SGCD: variants seen among roughly 807,000 people sequenced by gnomAD.
The protein encoded by SGCD is delta-sarcoglycan.
Under a neutral mutation model 36.6 loss-of-function variants are expected in SGCD, and 18 were observed. That is an observed-to-expected ratio of 0.49 (90% CI 0.34 to 0.73). The LOEUF is 0.73. SGCD is among the 30% of genes least tolerant of loss of function. The probability of loss-of-function intolerance (pLI) is 0.01; values close to 1 mark genes in which losing one functional copy is unlikely to be tolerated. For missense variants in SGCD, 387 were observed against 346.7 expected (o/e 1.12, Z -0.92); for synonymous variants, 133 against 130.6 (o/e 1.02, Z -0.12).
chr5:156,479,579 G>T (rs1755337311), intron 3 of SGCD, among the ~76,000 whole-genome samples: 1 of 152,160 alleles, frequency 6.6e-6, no homozygotes, highest in Non-Finnish European at 1.5e-5. Flanking sequence ...GACCTAGGGA[G>T]TATTCACCCA....
chr5:156,130,732 T>C (rs535079101), intron 3 of SGCD, among the ~76,000 whole-genome samples: 52 of 152,252 alleles, frequency 3.4e-4, no homozygotes, highest in Non-Finnish European at 5.7e-4. Context: ...TTCTTTCTTT[T>C]TTTTTTCTTT....
chr5:156,346,871 C>A (rs1768978890), intron 3 of SGCD, among the ~76,000 whole-genome samples: 1 of 151,894 alleles, frequency 6.6e-6, no homozygotes, highest in Non-Finnish European at 1.5e-5. Context: ...AATCTCGGCT[C>A]ACTGCCAGCT....
chr5:155,759,042 A>T, the SGCD span, among the ~76,000 whole-genome samples: 1 of 151,434 alleles, frequency 6.6e-6, no homozygotes, highest in Non-Finnish European at 1.5e-5. Context: ...AGATTGTGCT[A>T]TATTGCCCAG....
intron 3 of SGCD, among the ~76,000 whole-genome samples, chr5:156,320,757 A>G (rs1259043884): frequency 6.6e-6 from 1 of 152,240 alleles, no homozygotes; most frequent in Non-Finnish European, 1.5e-5. Flanking sequence ...TCTGGCCAAT[A>G]GAGATATTCT....
chr5:155,970,667 T>G (rs1236367232), intron 1 of SGCD, among the ~76,000 whole-genome samples: 1 of 152,148 alleles, frequency 6.6e-6, no homozygotes, highest in Non-Finnish European at 1.5e-5. Context: ...ATTTGAGTAG[T>G]GATATTAGGA....
intron 1 of SGCD, among the ~76,000 whole-genome samples, chr5:156,086,580 A>G (rs1056005739): frequency 6.6e-6 from 1 of 152,214 alleles, no homozygotes; most frequent in East Asian, 1.9e-4. Context: ...ATGGGCTGGC[A>G]TCATACCAGG....
chr5:156,452,939 A>T (rs367615979), intron 3 of SGCD, among the ~76,000 whole-genome samples: 23 of 152,304 alleles, frequency 1.5e-4, no homozygotes, highest in African/African-American at 5.5e-4. Context: ...ACTTGAGCAT[A>T]AATTTACTAT....
intron 3 of SGCD, among the ~76,000 whole-genome samples, chr5:156,265,980 T>C (rs1014267371): frequency 1.3e-5 from 2 of 152,144 alleles, no homozygotes; most frequent in African/African-American, 4.8e-5. Context: ...ATGTTGACCA[T>C]GAGTACATGG....
chr5:156,058,869 G>A (rs10476264), intron 1 of SGCD, among the ~76,000 whole-genome samples: 2,965 of 145,586 alleles, frequency 0.02, 268 homozygotes, highest in African/African-American at 0.068. Flanking sequence ...AAGATTGGCC[G>A]TGAGTTATTA....
At chr5:156,134,802 A>G (rs1035451128) in intron 3 of SGCD, among the ~76,000 whole-genome samples, 12 of 152,134 alleles carry the variant, frequency 7.9e-5, no homozygotes, top group Non-Finnish European at 1.5e-4. Flanking sequence ...TATGTAGCAA[A>G]CCTGCACATT....
intron 2 of SGCD, 22 bp downstream of exon 2, chr5:156,329,601 A>G (rs1224373186): frequency 5.0e-6 from 8 of 1,610,578 alleles, no homozygotes; most frequent in Non-Finnish European, 5.9e-6. Flanking sequence ...CCGGGAGCGA[A>G]GCTTGTTCAA....
chr5:156,038,610 A>C lies in SGCD; in HGVS notation c.-281-79268A>C, dbSNP rs181355011. Among the ~76,000 whole-genome samples, 5 of 148,092 alleles carry C rather than the reference A, an allele frequency of 3.4e-5. No homozygotes were observed. In the East Asian group the frequency reaches 5.8e-4, roughly 17 times the overall value. ...AAAAGTAAAAAAAAAAATGGCTCCCACACACACACACACAAAATGACCAAA... is the reference window on the plus strand; with the variant it reads ...AAAAGTAAAAAAAAAAATGGCTCCCCCACACACACACACAAAATGACCAAA... On this transcript the variant is annotated intron_variant, in intron 1 of 9. Transcript: ENST00000517913.
intron 1 of SGCD, among the ~76,000 whole-genome samples, chr5:156,077,286 T>C (rs903492261): frequency 2.6e-5 from 4 of 152,170 alleles, no homozygotes; most frequent in Admixed American, 2.6e-4. Flanking sequence ...GAAGCCCTCT[T>C]GGATTGGAAA....
chr5:155,837,570 C>T, the SGCD span, among the ~76,000 whole-genome samples: 6 of 152,290 alleles, frequency 3.9e-5, no homozygotes, highest in African/African-American at 1.4e-4. Context: ...TCCAGATTTA[C>T]ACAAAGAGGG....
intron 3 of SGCD, among the ~76,000 whole-genome samples, chr5:156,263,408 T>C (rs1765917958): frequency 6.6e-6 from 1 of 152,104 alleles, no homozygotes; most frequent in Admixed American, 6.6e-5. Context: ...CTTTTGAGAA[T>C]TGTCTATTCA....
chr5:156,738,611 G>C (rs1017252460), intron 7 of SGCD: 4 of 152,136 alleles, frequency 2.6e-5, no homozygotes, highest in African/African-American at 9.7e-5. Flanking sequence ...ATTACTCTGC[G>C]TTCCAGTTCT....
chr5:155,863,232 G>GCCTGGCTTCCCA, the SGCD span, among the ~76,000 whole-genome samples: 1 of 152,168 alleles, frequency 6.6e-6, no homozygotes, highest in African/African-American at 2.4e-5. Flanking sequence ...CGCCCCTGCA[G>GCCTGGCTTCCCA]CCTGGCTTCC....
At chr5:155,830,337 T>C in the SGCD span, among the ~76,000 whole-genome samples, 1 of 102,478 alleles carries the variant, frequency 9.8e-6, no homozygotes, top group Non-Finnish European at 1.8e-5. Context: ...GTGTATACAC[T>C]CGTGGTGTCT....
intron 1 of SGCD, among the ~76,000 whole-genome samples, chr5:155,969,052 C>T (rs1279153131): frequency 6.6e-6 from 1 of 151,968 alleles, no homozygotes; most frequent in African/African-American, 2.4e-5. Flanking sequence ...ATGTATATAC[C>T]ACAATTCACA....
Sources: allele counts gnomAD v4.1 joint callset (sites outside exome capture counted in the v4.1 genomes callset), GRCh38; gene constraint gnomAD v4.1.1; transcripts MANE v1.5; gene names NCBI Gene and HGNC (gene_info 2026-07-23, HGNC 2026-07-21).